STYK1: variants seen among roughly 807,000 people sequenced by gnomAD.
The protein encoded by STYK1 is tyrosine-protein kinase STYK1.
A neutral mutation model predicts 48.1 loss-of-function variants in STYK1; 46 were observed. That is an observed-to-expected ratio of 0.96 (90% CI 0.75 to 1.22). STYK1 has a LOEUF of 1.22. STYK1 is among the 50% of genes most tolerant of loss of function. The probability of loss-of-function intolerance (pLI) is 0.00; values close to 1 mark genes in which losing one functional copy is unlikely to be tolerated. For missense variants in STYK1, 527 were observed against 521.1 expected, an observed-to-expected ratio of 1.01 and a Z score of -0.11; for synonymous variants, 188 against 189.0, an observed-to-expected ratio of 0.99 and a Z score of 0.04.
rs573678054 is a variant in STYK1 at position 10,663,459 on chromosome 12, C to T, written c.-195+10507G>A. Among the ~76,000 whole-genome samples, 5 of 151,910 alleles carry T rather than the reference C, an allele frequency of 3.3e-5. No homozygotes were observed. In the South Asian group the frequency reaches 1.0e-3, roughly 32 times the overall value. On this transcript the variant is annotated intron_variant, in intron 1 of 10. Coordinates refer to ENST00000075503, the MANE Select transcript of STYK1 (RefSeq NM_018423.3). ...CTAAAAATACAAAAAATTAGCCAGG[C>T]GCGGTGACAGGCGCCTGTAGTCCCA...
At position 10,629,590 on chromosome 12, in the gene STYK1, T is replaced by C. The variant is rs540861135; in HGVS notation, c.536A>G (p.Gln179Arg). 6.2e-7 allele frequency: 1 copy of C among 1,614,192 alleles called. No individual in the cohort carries two copies. The highest frequency in any genetic ancestry group is 1.3e-5 in the African/African-American group (1 of 75,058). The change falls in exon 6 of 11, where the codon CAG becomes CGG. Residue 179 changes from glutamine to arginine, a missense_variant. Physicochemically the swap from Gln to Arg is conservative, Grantham distance 43 (BLOSUM62 1). Coordinates refer to ENST00000075503, the MANE Select transcript of STYK1 (RefSeq NM_018423.3). ...CTTTTCAGTGCAGCAGCCTTCCAGC[T>C]GCACCAGGTTTTTGTGTTTCCCCAG... is the stretch of plus-strand genomic sequence containing the variant. ...QYLGKHKNLVQLEGCCTEKLP... is the reference protein window; with the variant it reads ...QYLGKHKNLVRLEGCCTEKLP...
intron 7 of STYK1, 98 bp from the exon 8 acceptor site, chr12:10,624,957 C>T (rs1216079344): frequency 2.0e-6 from 2 of 1,007,222 alleles, no homozygotes; most frequent in East Asian, 2.4e-5. Context: ...AACACAAGGA[C>T]ATTTTCTACT....
chr12:10,671,286 C>T (rs1182670190), intron 1 of STYK1, among the ~76,000 whole-genome samples: 5 of 152,138 alleles, frequency 3.3e-5, no homozygotes, highest in East Asian at 1.9e-4. Flanking sequence ...TGAGCCACCA[C>T]GCCTGGCCAT....
chr12:10,654,175 C>A (rs753394216), intron 1 of STYK1, among the ~76,000 whole-genome samples: 1 of 152,200 alleles, frequency 6.6e-6, no homozygotes, highest in Admixed American at 6.5e-5. Context: ...CTGTAAGTTA[C>A]CCTATGTGGT....
In STYK1 at chr12:10,672,528, G is replaced by C. The variant is rs1476621539; in HGVS notation, c.-195+1438C>G. 6.6e-6 allele frequency among the ~76,000 whole-genome samples: 1 copy of C among 152,110 alleles called. No homozygotes were observed. Among genetic ancestry groups the C allele is most frequent in the Non-Finnish European group, 1.5e-5 (1 of 68,028 alleles). On this transcript the variant is annotated intron_variant, in intron 1 of 10. Coordinates refer to ENST00000075503, the MANE Select transcript of STYK1 (RefSeq NM_018423.3). The surrounding 1 kb of genome is among the most constrained non-coding windows in gnomAD (Gnocchi z 4.0). ...GGTGTGATTACAGGTGTGAGCCACCGTGCCCACTAGCATTAGATTGTCATA... is the reference window on the plus strand; with the variant it reads ...GGTGTGATTACAGGTGTGAGCCACCCTGCCCACTAGCATTAGATTGTCATA...
intron 3 of STYK1, 26 bp downstream of exon 3, chr12:10,634,541 T>G: frequency 1.2e-6 from 2 of 1,609,148 alleles, no homozygotes; most frequent in East Asian, 2.2e-5. Flanking sequence ...AATCAGAGGA[T>G]AGACATCTGT....
chr12:10,667,866 G>C (rs537501506), intron 1 of STYK1, among the ~76,000 whole-genome samples: 3 of 152,090 alleles, frequency 2.0e-5, no homozygotes, highest in African/African-American at 7.2e-5. Flanking sequence ...CAATATGATA[G>C]GGCTGAACTC....
chr12:10,641,087 G>A (rs903732231), intron 1 of STYK1, among the ~76,000 whole-genome samples: 3 of 151,978 alleles, frequency 2.0e-5, no homozygotes, highest in South Asian at 2.1e-4. Flanking sequence ...TGCTGATTAC[G>A]TTCTCTTCCT....
At chr12:10,650,953 C>G (rs1947656543) in intron 1 of STYK1, among the ~76,000 whole-genome samples, 1 of 149,790 alleles carries the variant, frequency 6.7e-6, no homozygotes, top group Non-Finnish European at 1.5e-5. Flanking sequence ...TGCAGTGAGC[C>G]AAGATCGTGC....
intron 5 of STYK1, 97 bp downstream of exon 5, chr12:10,630,948 A>C: frequency 1.3e-6 from 2 of 1,483,020 alleles, no homozygotes; most frequent in Non-Finnish European, 1.8e-6. Context: ...GTACACAGTT[A>C]TGATCACAAC....
At chr12:10,636,660 T>A (rs1947489135) in intron 2 of STYK1, among the ~76,000 whole-genome samples, 1 of 152,194 alleles carries the variant, frequency 6.6e-6, no homozygotes, top group African/African-American at 2.4e-5. Flanking sequence ...AGAAAAGTGA[T>A]CACTGCTATT....
At chr12:10,627,802 A>C in intron 6 of STYK1, 78 bp from the exon 7 acceptor site, 8 of 1,185,734 alleles carry the variant, frequency 6.7e-6, no homozygotes, top group Non-Finnish European at 9.7e-6. Flanking sequence ...TTGGGCAGAG[A>C]TACTCTGAAA....
At chr12:10,662,693 T>A (rs1358072170) in intron 1 of STYK1, among the ~76,000 whole-genome samples, 1 of 151,322 alleles carries the variant, frequency 6.6e-6, no homozygotes, top group Non-Finnish European at 1.5e-5. Flanking sequence ...TCCTTTACCA[T>A]TTTTTTTTGA....
chr12:10,630,519 A>G (rs751426094), intron 5 of STYK1, among the ~76,000 whole-genome samples: 1 of 151,488 alleles, frequency 6.6e-6, no homozygotes, highest in Non-Finnish European at 1.5e-5. Flanking sequence ...AACAGCCTCA[A>G]TAGGCAAAGA....
chr12:10,649,570 A>G (rs1947637277), intron 1 of STYK1, among the ~76,000 whole-genome samples: 1 of 152,208 alleles, frequency 6.6e-6, no homozygotes. Flanking sequence ...ATGTTACAGC[A>G]ACAGTGATGA....
chr12:10,642,003 G>T (rs1012098786), intron 1 of STYK1, among the ~76,000 whole-genome samples: 1 of 152,190 alleles, frequency 6.6e-6, no homozygotes, highest in African/African-American at 2.4e-5. Flanking sequence ...GCCATTCCTT[G>T]CCTTCCTAGT....
At chr12:10,671,745 T>C (rs1255781329) in intron 1 of STYK1, among the ~76,000 whole-genome samples, 18 of 152,238 alleles carry the variant, frequency 1.2e-4, no homozygotes, top group Admixed American at 1.2e-3. Flanking sequence ...AAAACAGAGC[T>C]GCAGAATCAC....
chr12:10,658,843 A>G (rs1016945879), intron 1 of STYK1, among the ~76,000 whole-genome samples: 3 of 152,208 alleles, frequency 2.0e-5, no homozygotes, highest in Non-Finnish European at 4.4e-5. Context: ...TAGTAATTAT[A>G]ATTGTTACAT....
At position 10,631,162 on chromosome 12, in the gene STYK1, G is replaced by T; in HGVS notation, c.334C>A (p.Gln112Lys). ...ALAKLQVPRE[Q>K]LSEVLEQICS... Reference sequence around the variant, plus strand: ...ATCTGCTCCAGAACTTCAGAGAGTTGCTCCCGCGGCACCTGCAGCTTAGCC... The same window carrying T: ...ATCTGCTCCAGAACTTCAGAGAGTTTCTCCCGCGGCACCTGCAGCTTAGCC... The change falls in exon 5 of 11, where the codon CAA becomes AAA. Residue 112 changes from glutamine (Q) to lysine (K), a missense_variant. Physicochemically the swap from Gln to Lys is moderately conservative, Grantham distance 53 (BLOSUM62 1). Coordinates refer to ENST00000075503, the MANE Select transcript of STYK1 (RefSeq NM_018423.3). 6.2e-7 allele frequency: 1 copy of T among 1,614,180 alleles called. No individual in the cohort carries two copies. Among genetic ancestry groups the T allele is most frequent in the Non-Finnish European group, 8.5e-7 (1 of 1,180,040 alleles).
Sources: gnomAD v4.1 joint callset for allele counts (sites outside exome capture counted in the v4.1 genomes callset) on GRCh38, gnomAD v4.1.1 for gene constraint, Gnocchi (gnomAD v3.1) non-coding constraint, MANE v1.5 for transcripts, NCBI Gene and HGNC (gene_info 2026-07-23, HGNC 2026-07-21) for gene names.